Variants in DHX34 observed in about 807,000 individuals in gnomAD.
DHX34 encodes the protein probable ATP-dependent RNA helicase DHX34.
A neutral mutation model predicts 111.1 loss-of-function variants in DHX34; 96 were observed. That is an observed-to-expected ratio of 0.86 (90% CI 0.73 to 1.02). DHX34 has a LOEUF of 1.02. DHX34 is among the 50% of genes least tolerant of loss of function. The pLI is 0.00. For missense variants in DHX34, 1,560 were observed against 1,579.9 expected (o/e 0.99, Z 0.21); for synonymous variants, 688 against 670.4 (o/e 1.03, Z -0.41).
At chr19:47,368,540 A>G (rs1474639728) in intron 7 of DHX34, among the ~76,000 whole-genome samples, 1 of 149,996 alleles carries the variant, frequency 6.7e-6, no homozygotes, top group African/African-American at 2.5e-5. Flanking sequence ...TCCCGACCTC[A>G]GGTGATCTGC....
intron 12 of DHX34, 107 bp downstream of exon 12, chr19:47,376,667 G>A: frequency 6.8e-7 from 1 of 1,479,470 alleles, no homozygotes; most frequent in Non-Finnish European, 9.0e-7. Flanking sequence ...GCCCAGGCTG[G>A]TATTGACGGG....
In DHX34 at chr19:47,376,186, G is replaced by C. The variant is rs191056855; in HGVS notation, c.2481+89G>C. 9.4e-5 allele frequency: 140 copies of C among 1,497,206 alleles called. No individual in the cohort carries two copies. In the Middle Eastern group the frequency reaches 2.5e-3, roughly 27 times the overall value. 92.7% of individuals were successfully genotyped at this position (1,497,206 alleles called of 1,614,324 possible). On this transcript the variant is annotated intron_variant, in intron 11 of 16. Transcript: ENST00000328771. ...CTGTGCCGGGAATGCAGTGGTGACTGAAACAACCCTGGTTCTGTCCCCATG... is the reference window on the plus strand; with the variant it reads ...CTGTGCCGGGAATGCAGTGGTGACTCAAACAACCCTGGTTCTGTCCCCATG...
chr19:47,375,747 G>A, intron 10 of DHX34, 39 bp downstream of exon 10: 2 of 1,559,996 alleles, frequency 1.3e-6, no homozygotes, highest in Non-Finnish European at 1.7e-6. Flanking sequence ...GGTTTACCAA[G>A]GTGGGCCTTG....
chr19:47,375,880 C>A (rs778056365), intron 10 of DHX34, 44 bp from the exon 11 acceptor site: 8 of 1,547,122 alleles, frequency 5.2e-6, no homozygotes, highest in South Asian at 1.2e-5. Context: ...ATGGTAGGAG[C>A]CCCTCAGGTC....
At chr19:47,363,973 A>C (rs1420624883) in intron 6 of DHX34, among the ~76,000 whole-genome samples, 1 of 152,160 alleles carries the variant, frequency 6.6e-6, no homozygotes, top group Admixed American at 6.6e-5. Context: ...CTCATTTGTT[A>C]ATTTAGCATA....
intron 4 of DHX34, among the ~76,000 whole-genome samples, chr19:47,359,453 T>A (rs1222556114): frequency 7.1e-6 from 1 of 141,140 alleles, no homozygotes; most frequent in Non-Finnish European, 1.5e-5. Flanking sequence ...CAGAGTGGGA[T>A]CCTGTCTCAA....
At chr19:47,373,315 C>A (rs921235445) in intron 8 of DHX34, among the ~76,000 whole-genome samples, 2 of 152,224 alleles carry the variant, frequency 1.3e-5, no homozygotes, top group African/African-American at 4.8e-5. Flanking sequence ...TCCCGGGGTT[C>A]ACAGCCCAGT....
intron 5 of DHX34, among the ~76,000 whole-genome samples, chr19:47,361,319 A>G (rs1428176848): frequency 6.6e-6 from 1 of 151,880 alleles, no homozygotes; most frequent in Non-Finnish European, 1.5e-5. Context: ...TTAGCCAGGC[A>G]TGGTAGTGCG....
intron 13 of DHX34, among the ~76,000 whole-genome samples, chr19:47,377,993 T>C (rs1419494648): frequency 6.6e-6 from 1 of 152,034 alleles, no homozygotes; most frequent in Non-Finnish European, 1.5e-5. Flanking sequence ...TGGGTCTCCC[T>C]TTATAGAGGG....
chr19:47,364,093 C>T (rs1400926991), intron 6 of DHX34, among the ~76,000 whole-genome samples: 1 of 152,148 alleles, frequency 6.6e-6, no homozygotes, highest in African/African-American at 2.4e-5. Context: ...GTCCTTCACT[C>T]TTGTGGCTCT....
chr19:47,379,711 C>A lies in DHX34; in HGVS notation c.2708C>A (p.Ser903Tyr). The A allele has an allele frequency of 6.3e-7, 1 of 1,593,038 alleles. No individual in the cohort carries two copies. The highest frequency in any genetic ancestry group is 8.6e-7 in the Non-Finnish European group (1 of 1,163,286). Residue 903 changes from serine (S) to tyrosine (Y), a missense_variant and splice_region_variant, in exon 14 of 17, where the codon TCC (serine) becomes TAC (tyrosine). By Grantham distance (144) the Ser-to-Tyr change is moderately radical (BLOSUM62 -2). Coordinates refer to ENST00000328771, the MANE Select transcript of DHX34 (RefSeq NM_014681.6). ...TGTCTTCTGCCCCCTCTCTTTCAGTCCCTCCTGCTTTTTAGCCGGTCTTTG... is the reference window on the plus strand; with the variant it reads ...TGTCTTCTGCCCCCTCTCTTTCAGTACCTCCTGCTTTTTAGCCGGTCTTTG... ...VNCVRIPALQ[S>Y]LLLFSRSLDT...
Position 47,381,994 on chromosome 19 carries a change from G to A in DHX34, c.3313G>A (p.Ala1105Thr), listed in dbSNP as rs1484334318. 1 of 1,613,956 alleles carries A rather than the reference G, an allele frequency of 6.2e-7. No homozygotes were observed. Among genetic ancestry groups the A allele is most frequent in the Admixed American group, 1.7e-5 (1 of 59,982 alleles). Residue 1105 changes from alanine to threonine, a missense_variant, in exon 17 of 17, where the codon GCC becomes ACC. Physicochemically the swap from Ala to Thr is moderately conservative, Grantham distance 58 (BLOSUM62 0). Transcript: ENST00000328771. ...QDGPPGAEEA[A>T]LETLQKTSVL... ...TCCTCCCTTAGGGGCTGAGGAAGCTGCCCTCGAAACCCTCCAGAAGACATC... is the reference window on the plus strand; with the variant it reads ...TCCTCCCTTAGGGGCTGAGGAAGCTACCCTCGAAACCCTCCAGAAGACATC...
chr19:47,362,910 A>G (rs1188889224), intron 6 of DHX34, among the ~76,000 whole-genome samples: 1 of 152,104 alleles, frequency 6.6e-6, no homozygotes, highest in Admixed American at 6.6e-5. Context: ...AGCTGGGACC[A>G]CAGGCACACA....
chr19:47,376,764 T>C, intron 12 of DHX34: 1 of 1,450,010 alleles, frequency 6.9e-7, no homozygotes, highest in East Asian at 2.5e-5. Flanking sequence ...TTCCGCATGG[T>C]GGTGATAGTC....
intron 1 of DHX34, among the ~76,000 whole-genome samples, chr19:47,350,383 G>A (rs1360851669): frequency 6.6e-6 from 1 of 151,970 alleles, no homozygotes; most frequent in African/African-American, 2.4e-5. Flanking sequence ...CAGGCTGGGT[G>A]ACAGAGTGAG....
chr19:47,381,771 TTCTC>T (rs760843939), intron 16 of DHX34: 248 of 839,130 alleles, frequency 3.0e-4, no homozygotes, highest in Admixed American at 4.3e-4. Flanking sequence ...CCTTGTGTCT[TTCTC>T]TCTGTCTCTC....
At chr19:47,364,818 T>A (rs553725409) in intron 6 of DHX34, among the ~76,000 whole-genome samples, 73 of 152,262 alleles carry the variant, frequency 4.8e-4, no homozygotes, top group Middle Eastern at 6.8e-3. Context: ...AGAGAAAATA[T>A]TGCCCCAGGT....
At chr19:47,377,322 C>A in intron 13 of DHX34, 116 bp downstream of exon 13, 3 of 1,096,872 alleles carry the variant, frequency 2.7e-6, no homozygotes, top group African/African-American at 1.6e-5. Context: ...GGGCTGGCCG[C>A]AGGCGTCAGC....
At chr19:47,373,055 C>A in intron 8 of DHX34, 132 bp downstream of exon 8, 1 of 1,229,356 alleles carries the variant, frequency 8.1e-7, no homozygotes, top group Non-Finnish European at 1.1e-6. Flanking sequence ...ACAGACTGGG[C>A]CTGCCTGGGG....
Sources: gnomAD v4.1 joint callset for allele counts (sites outside exome capture counted in the v4.1 genomes callset) on GRCh38, gnomAD v4.1.1 for gene constraint, MANE v1.5 for transcripts, NCBI Gene and HGNC (gene_info 2026-07-23, HGNC 2026-07-21) for gene names.